Variants in NUDC observed in about 807,000 individuals in gnomAD.
The protein encoded by NUDC is nuclear distribution C, dynein complex regulator.
NUDC carries 14 observed loss-of-function variants against 45.0 expected under a neutral mutation model. The ratio of observed to expected loss-of-function variants is 0.31; its 90% CI spans 0.21 to 0.49. The LOEUF (loss-of-function observed/expected upper bound fraction) is 0.49, where lower values mean the gene tolerates loss of function less well. Ranked by LOEUF, NUDC falls within the 20% of genes least tolerant of loss-of-function variation. The probability of loss-of-function intolerance (pLI) is 0.99; values close to 1 mark genes in which losing one functional copy is unlikely to be tolerated. For missense variants in NUDC, 323 were observed against 426.2 expected (o/e 0.76, Z 2.13); for synonymous variants, 153 against 156.7 (o/e 0.98, Z 0.17).
At chr1:26,943,727 G>A (rs2082297133) in intron 6 of NUDC, among the ~76,000 whole-genome samples, 1 of 152,166 alleles carries the variant, frequency 6.6e-6, no homozygotes, top group African/African-American at 2.4e-5. Flanking sequence ...CCCTCAGGAA[G>A]CCTTCATTCT....
At chr1:26,916,681 G>A (rs1292806701) in intron 3 of NUDC, among the ~76,000 whole-genome samples, 4 of 152,092 alleles carry the variant, frequency 2.6e-5, no homozygotes, top group Non-Finnish European at 5.9e-5. Context: ...AGAACTGGCC[G>A]GGCACGGTGG....
Position 26,913,706 on chromosome 1 carries a change from G to A in NUDC, c.93+2471G>A. ...AGCCGCCGCTGGTCCTGGGGAGGCAGCTGCCAGAAGGATGGCAGGTTCCTG... is the reference window on the plus strand; with the variant it reads ...AGCCGCCGCTGGTCCTGGGGAGGCAACTGCCAGAAGGATGGCAGGTTCCTG... On this transcript the variant is annotated intron_variant, in intron 3 of 6. Transcript: ENST00000435827. 3 of 1,609,778 alleles carry A rather than the reference G, an allele frequency of 1.9e-6. No homozygotes were observed. The South Asian group carries it at 3.3e-5, about 18-fold the overall frequency.
chr1:26,922,717 C>T (rs1472588849), intron 1 of NUDC, among the ~76,000 whole-genome samples: 1 of 152,188 alleles, frequency 6.6e-6, no homozygotes, highest in Non-Finnish European at 1.5e-5. Flanking sequence ...TGGTTCTCAC[C>T]TAGACAGGTC....
At chr1:26,923,402 T>C (rs1458232346) in intron 1 of NUDC, among the ~76,000 whole-genome samples, 1 of 152,222 alleles carries the variant, frequency 6.6e-6, no homozygotes, top group African/African-American at 2.4e-5. Context: ...CCAGCCAGAA[T>C]TAATCCATCT....
chr1:26,907,942 G>C (rs2082009501), intron 2 of NUDC, among the ~76,000 whole-genome samples: 1 of 152,196 alleles, frequency 6.6e-6, no homozygotes, highest in Admixed American at 6.5e-5. Context: ...ACTTTGGAAG[G>C]CCAAGGCAGG....
At chr1:26,934,985 G>GT (rs1003274551) in intron 2 of NUDC, among the ~76,000 whole-genome samples, 5 of 138,756 alleles carry the variant, frequency 3.6e-5, no homozygotes, top group Non-Finnish European at 6.3e-5. Context: ...TTTGTTTTTT[G>GT]TTTTTTTTTC....
At chr1:26,922,563 C>T in intron 1 of NUDC, 1 of 152,544 alleles carries the variant, frequency 6.6e-6, no homozygotes, top group Non-Finnish European at 1.5e-5. Context: ...GTCCCACACT[C>T]GACAATAAGG....
intron 2 of NUDC, 22 bp from the exon 3 acceptor site, chr1:26,941,435 A>T: frequency 6.2e-7 from 1 of 1,611,544 alleles, no homozygotes; most frequent in Non-Finnish European, 8.5e-7. Context: ...CTGATGCCTC[A>T]TGGCCTTTCT....
At chr1:26,912,839 C>T (rs1250909644) in intron 3 of NUDC, among the ~76,000 whole-genome samples, 1 of 152,148 alleles carries the variant, frequency 6.6e-6, no homozygotes, top group Non-Finnish European at 1.5e-5. Context: ...CTGTAAAGGT[C>T]AGAGCAAATT....
At chr1:26,907,308 C>A (rs1450541916) in intron 2 of NUDC, among the ~76,000 whole-genome samples, 1 of 152,192 alleles carries the variant, frequency 6.6e-6, no homozygotes, top group African/African-American at 2.4e-5. Context: ...TCTCCTGTTG[C>A]CTGTTGTATG....
At chr1:26,903,164 C>T (rs1457335072) in intron 2 of NUDC, among the ~76,000 whole-genome samples, 1 of 152,064 alleles carries the variant, frequency 6.6e-6, no homozygotes, top group African/African-American at 2.4e-5. Flanking sequence ...AAAAAGCTGG[C>T]TTTTTGTACT....
rs1315937556 is a variant in NUDC, at chr1:26,927,725, A to G, written c.159+3559A>G. Reference sequence around the variant, plus strand: ...ATTTTTCTTAACTGTAAGAGGGAGCAGTCCTTACCTTACAAGGATGTTACG... The same window carrying G: ...ATTTTTCTTAACTGTAAGAGGGAGCGGTCCTTACCTTACAAGGATGTTACG... On this transcript the variant is annotated intron_variant, in intron 2 of 8. Coordinates refer to ENST00000321265, the MANE Select transcript of NUDC (RefSeq NM_006600.4). 2.0e-5 allele frequency among the ~76,000 whole-genome samples: 3 copies of G among 152,090 alleles called. No homozygotes were observed. The East Asian group carries it at 5.8e-4, about 29-fold the overall frequency.
At chr1:26,942,424 C>T (rs1462808086) in intron 4 of NUDC, among the ~76,000 whole-genome samples, 6 of 152,190 alleles carry the variant, frequency 3.9e-5, no homozygotes, top group Non-Finnish European at 8.8e-5. Flanking sequence ...TATCCTTTGT[C>T]ACATGGTATA....
intron 2 of NUDC, among the ~76,000 whole-genome samples, chr1:26,908,767 A>C (rs1397194673): frequency 2.0e-5 from 3 of 151,458 alleles, no homozygotes; most frequent in African/African-American, 7.3e-5. Context: ...TTTGAGATGG[A>C]GTCTCACTTT....
At chr1:26,919,987 T>A (rs2082080728), upstream of NUDC, among the ~76,000 whole-genome samples, 1 of 152,078 alleles carries the variant, frequency 6.6e-6, no homozygotes, top group Non-Finnish European at 1.5e-5. Context: ...AAGACACAGA[T>A]CAACTCCAGG....
At position 26,941,140 on chromosome 1, in the gene NUDC, T is replaced by C. The variant is rs1251716227; in HGVS notation, c.160-317T>C. Among the ~76,000 whole-genome samples, 3 of 144,096 alleles carry C rather than the reference T, an allele frequency of 2.1e-5. No homozygotes were observed. In the East Asian group the frequency reaches 6.4e-4, roughly 31 times the overall value. The allele number at this position is 144,096 out of a possible 152,430, so 94.5% of individuals were successfully genotyped here. On this transcript the variant is annotated intron_variant, in intron 2 of 8. Transcript: ENST00000321265. Reference sequence around the variant, plus strand: ...TTTTGGTAGAGACAGGGTTTCACCATGTTGGCCAGGATGGTCTTGACCTTG... The same window carrying C: ...TTTTGGTAGAGACAGGGTTTCACCACGTTGGCCAGGATGGTCTTGACCTTG...
chr1:26,915,968 T>G (rs2082059752), intron 3 of NUDC, among the ~76,000 whole-genome samples: 1 of 152,158 alleles, frequency 6.6e-6, no homozygotes, highest in African/African-American at 2.4e-5. Flanking sequence ...TGAGTGACCT[T>G]GGGCAAATCA....
intron 2 of NUDC, among the ~76,000 whole-genome samples, chr1:26,935,665 T>A (rs1030956165): frequency 6.6e-6 from 1 of 152,052 alleles, no homozygotes; most frequent in African/African-American, 2.4e-5. Flanking sequence ...AGATGAGATT[T>A]GGGTGGGGAC....
intron 2 of NUDC, among the ~76,000 whole-genome samples, chr1:26,936,289 A>C (rs1223371088): frequency 1.4e-5 from 2 of 139,204 alleles, no homozygotes; most frequent in African/African-American, 5.5e-5. Context: ...TCCTGGGTTC[A>C]AGCAATTCTC....
Sources: allele counts gnomAD v4.1 joint callset (sites outside exome capture counted in the v4.1 genomes callset), GRCh38; gene constraint gnomAD v4.1.1; transcripts MANE v1.5; gene names NCBI Gene and HGNC (gene_info 2026-07-23, HGNC 2026-07-21).